PAPPA: variants seen among roughly 807,000 people sequenced by gnomAD.
PAPPA encodes pappalysin 1.
In PAPPA, 60 loss-of-function variants were observed where a neutral mutation model predicts 164.0. That is an observed-to-expected ratio of 0.37 (90% CI 0.30 to 0.45). The LOEUF is 0.45. PAPPA is among the 20% of genes least tolerant of loss of function. PAPPA has a pLI of 1.00. For synonymous variants in PAPPA, 875 were observed against 814.1 expected (o/e 1.07, Z -1.27); for missense variants, 1,782 against 2,087.3 (o/e 0.85, Z 2.85).
chr9:116,284,742 A>G (rs566966288), intron 9 of PAPPA, among the ~76,000 whole-genome samples: 1 of 152,166 alleles, frequency 6.6e-6, no homozygotes, highest in African/African-American at 2.4e-5. Flanking sequence ...AAGCTTGGGA[A>G]ACATCCATAA....
chr9:116,168,815 T>G (rs899866464), intron 1 of PAPPA, among the ~76,000 whole-genome samples: 1 of 152,172 alleles, frequency 6.6e-6, no homozygotes, highest in South Asian at 2.1e-4. Context: ...TTATCTTCCC[T>G]CCTCATAGCA....
rs777807316 is a variant in PAPPA, at chr9:116,344,587, C to T, written c.3656C>T (p.Ala1219Val). The T allele has an allele frequency of 1.9e-6, 3 of 1,614,036 alleles. No homozygotes were observed. In the African/African-American group the frequency reaches 4.0e-5, roughly 22 times the overall value. The change falls in exon 14 of 22, where the codon GCT becomes GTT. Residue 1219 changes from alanine to valine, a missense_variant. Around this residue, in one of 2 missense-constraint regions of PAPPA, gnomAD observed 1,324 missense variants for 1,656.9 expected, o/e 0.80. Coordinates refer to ENST00000328252, the MANE Select transcript of PAPPA (RefSeq NM_002581.5). The stretch of plus-strand genomic sequence containing the variant: ...GAGAAAACTGACTGTCCAGAGCTGG[C>T]TGTGGAGAATGCTTCTCTCAATTGC... ...ACEKTDCPEL[A>V]VENASLNCSS... is the part of the protein sequence containing the mutation.
chr9:116,278,508 T>C (rs1239693415), intron 9 of PAPPA, among the ~76,000 whole-genome samples: 1 of 152,334 alleles, frequency 6.6e-6, no homozygotes, highest in East Asian at 1.9e-4. Context: ...GCCATTTTCA[T>C]GAGTCATGAA....
At chr9:116,182,333 C>T (rs1211149464) in intron 1 of PAPPA, among the ~76,000 whole-genome samples, 2 of 152,202 alleles carry the variant, frequency 1.3e-5, no homozygotes, top group Non-Finnish European at 2.9e-5. Flanking sequence ...CTACAGAGCA[C>T]TTACAACATA....
rs142164713 is a variant in PAPPA, at chr9:116,370,577, C to G, written c.4605+2823C>G. On this transcript the variant is annotated intron_variant, in intron 19 of 21. Coordinates refer to ENST00000328252, the MANE Select transcript of PAPPA (RefSeq NM_002581.5). Reference sequence around the variant, plus strand: ...AATTTCTGTGATATAAATATTCCTACCGTGGCAGATTTCAAGGTTTCCAGG... The same window carrying G: ...AATTTCTGTGATATAAATATTCCTAGCGTGGCAGATTTCAAGGTTTCCAGG... Among the ~76,000 whole-genome samples the G allele has an allele frequency of 6.4e-3, 973 of 152,324 alleles. 5 individuals are homozygous for G. Among genetic ancestry groups the G allele is most frequent in the Non-Finnish European group, 9.6e-3 (654 of 68,040 alleles).
intron 17 of PAPPA, among the ~76,000 whole-genome samples, chr9:116,360,609 C>T (rs529785208): frequency 6.6e-6 from 1 of 152,310 alleles, no homozygotes; most frequent in African/African-American, 2.4e-5. Flanking sequence ...TCTTCATTTA[C>T]TCACTTGTGC....
chr9:116,382,738 T>C (rs1846749203), intron 21 of PAPPA, among the ~76,000 whole-genome samples: 1 of 152,102 alleles, frequency 6.6e-6, no homozygotes, highest in South Asian at 2.1e-4. Context: ...AAGCAGGTAA[T>C]AAAACTGCAA....
chr9:116,345,087 T>A (rs1050025485), intron 14 of PAPPA, among the ~76,000 whole-genome samples: 11 of 152,220 alleles, frequency 7.2e-5, no homozygotes, highest in African/African-American at 2.7e-4. Flanking sequence ...GCTCATTCAT[T>A]CACTAATTCA....
intron 13 of PAPPA, among the ~76,000 whole-genome samples, chr9:116,339,960 A>C (rs1365573246): frequency 2.0e-5 from 3 of 152,204 alleles, no homozygotes; most frequent in African/African-American, 7.2e-5. Flanking sequence ...TATATTAAAC[A>C]TATAGATAAG....
intron 1 of PAPPA, among the ~76,000 whole-genome samples, chr9:116,161,365 C>T (rs1403298766): frequency 3.3e-5 from 5 of 152,180 alleles, no homozygotes; most frequent in African/African-American, 4.8e-5. Flanking sequence ...GGTAAAATAG[C>T]GACTTTCAAA....
chr9:116,218,611 A>G (rs180927699), intron 4 of PAPPA, among the ~76,000 whole-genome samples: 1 of 152,342 alleles, frequency 6.6e-6, no homozygotes, highest in East Asian at 1.9e-4. Context: ...GATTAGGATC[A>G]AAGGTCCTTA....
At chr9:116,326,939 T>G (rs1347123362) in intron 10 of PAPPA, among the ~76,000 whole-genome samples, 1 of 152,260 alleles carries the variant, frequency 6.6e-6, no homozygotes, top group Non-Finnish European at 1.5e-5. Context: ...TCAAGTAATA[T>G]TCCATTGTGT....
At chr9:116,161,306 C>T (rs934961914) in intron 1 of PAPPA, among the ~76,000 whole-genome samples, 5 of 152,134 alleles carry the variant, frequency 3.3e-5, no homozygotes, top group Non-Finnish European at 5.9e-5. Flanking sequence ...GACCATTTAC[C>T]GCTTCTCTCT....
At chr9:116,257,570 C>T (rs775011223) in intron 7 of PAPPA, among the ~76,000 whole-genome samples, 5 of 151,840 alleles carry the variant, frequency 3.3e-5, no homozygotes, top group Admixed American at 1.3e-4. Flanking sequence ...GGCATGGTGG[C>T]GGGCGCCTGT....
At chr9:116,157,935 A>G (rs1843622368) in intron 1 of PAPPA, among the ~76,000 whole-genome samples, 1 of 152,134 alleles carries the variant, frequency 6.6e-6, no homozygotes, top group Admixed American at 6.5e-5. Context: ...AGGAAAACAA[A>G]AGACTCAATT....
At chr9:116,254,580 A>C (rs1469725479) in intron 7 of PAPPA, among the ~76,000 whole-genome samples, 1 of 152,124 alleles carries the variant, frequency 6.6e-6, no homozygotes, top group Admixed American at 6.5e-5. Flanking sequence ...CAGGAGATCG[A>C]GACCATCCCG....
At chr9:116,313,860 A>G (rs1042388488) in intron 10 of PAPPA, among the ~76,000 whole-genome samples, 1 of 152,200 alleles carries the variant, frequency 6.6e-6, no homozygotes, top group Middle Eastern at 3.4e-3. Flanking sequence ...AGTACTTCAC[A>G]TGCCAGGGCT....
chr9:116,258,068 A>C (rs1844953166), intron 7 of PAPPA, among the ~76,000 whole-genome samples: 1 of 152,012 alleles, frequency 6.6e-6, no homozygotes, highest in South Asian at 2.1e-4. Context: ...ACTTTACTGA[A>C]ACTATAAAAG....
At chr9:116,344,059 C>T (rs567414547) in intron 13 of PAPPA, among the ~76,000 whole-genome samples, 1 of 152,304 alleles carries the variant, frequency 6.6e-6, no homozygotes, top group South Asian at 2.1e-4. Flanking sequence ...AGCCACCGCG[C>T]CCAGCCCAGC....
Sources: allele counts gnomAD v4.1 joint callset (sites outside exome capture counted in the v4.1 genomes callset), GRCh38; gene constraint gnomAD v4.1.1; regional missense constraint gnomAD v4.1.1; transcripts MANE v1.5; gene names NCBI Gene and HGNC (gene_info 2026-07-23, HGNC 2026-07-21).